Variants in DPH6 observed in about 807,000 individuals in gnomAD.
The protein encoded by DPH6 is diphthamine biosynthesis 6, also known as diphthine--ammonia ligase.
In DPH6, 33 loss-of-function variants were observed where a neutral mutation model predicts 38.2. The ratio of observed to expected loss-of-function variants is 0.86; its 90% CI spans 0.65 to 1.15. The LOEUF is 1.15. Among genes scored for constraint, DPH6 ranks in the 50% most tolerant of loss-of-function variants. The pLI, the probability that DPH6 is intolerant of heterozygous loss-of-function variation, is 0.00. For synonymous variants in DPH6, 108 were observed against 103.0 expected (o/e 1.05, Z -0.30); for missense variants, 325 against 320.0 (o/e 1.02, Z -0.12).
chr15:35,484,567 T>C (rs955960403), intron 3 of DPH6, among the ~76,000 whole-genome samples: 1 of 152,356 alleles, frequency 6.6e-6, no homozygotes, highest in South Asian at 2.1e-4. Flanking sequence ...TTTCTTGCCA[T>C]GTGGACCCCT....
the DPH6 span, among the ~76,000 whole-genome samples, chr15:35,201,834 G>A: frequency 6.6e-6 from 1 of 151,354 alleles, no homozygotes; most frequent in African/African-American, 2.4e-5. Flanking sequence ...AGTACCAGTG[G>A]TTTTTTTAGT....
At chr15:35,307,974 G>A (rs185773557) in intron 3 of DPH6, among the ~76,000 whole-genome samples, 1 of 152,072 alleles carries the variant, frequency 6.6e-6, no homozygotes, top group East Asian at 1.9e-4. Context: ...TAACCTCTGA[G>A]GAAATAAAAA....
the DPH6 span, among the ~76,000 whole-genome samples, chr15:35,153,972 A>G: frequency 6.6e-6 from 1 of 152,184 alleles, no homozygotes; most frequent in Non-Finnish European, 1.5e-5. Flanking sequence ...CAGAAGCTGC[A>G]TAATTGAGTA....
intron 3 of DPH6, among the ~76,000 whole-genome samples, chr15:35,305,645 A>G (rs538303612): frequency 1.3e-5 from 2 of 152,294 alleles, no homozygotes; most frequent in African/African-American, 4.8e-5. Flanking sequence ...CCATTTAAAA[A>G]GCACGAAAGA....
exon 4 of DPH6, chr15:35,219,706 C>T (rs1243067190): frequency 6.6e-6 from 1 of 152,082 alleles, no homozygotes; most frequent in Non-Finnish European, 1.5e-5. Flanking sequence ...TAAGTCATAA[C>T]AAGTACATTG....
chr15:35,538,413 A>G lies in DPH6; in HGVS notation c.173T>C (p.Ile58Thr). The G allele has an allele frequency of 6.2e-7, 1 of 1,606,260 alleles. No individual in the cohort carries two copies. Among genetic ancestry groups the G allele is most frequent in the Admixed American group, 1.7e-5 (1 of 59,928 alleles). The change falls in exon 3 of 9, where the codon ATT (isoleucine) becomes ACT (threonine). Residue 58 changes from isoleucine to threonine, a missense_variant. Coordinates refer to ENST00000256538, the MANE Select transcript of DPH6 (RefSeq NM_080650.4). ...AGCCATTGCTTCTGCATACAAGTCA[A>G]TGGCATGGTGCCCCACTGTCTGATA... ...YMYQTVGHHA[I>T]DLYAEAMALP...
At chr15:35,472,924 T>C (rs1172055157) in intron 3 of DPH6, among the ~76,000 whole-genome samples, 1 of 148,692 alleles carries the variant, frequency 6.7e-6, no homozygotes, top group South Asian at 2.1e-4. Context: ...AAAAAAAAGA[T>C]GTAGTAAATA....
At chr15:35,464,335 A>T (rs968099709) in intron 3 of DPH6, among the ~76,000 whole-genome samples, 4 of 152,090 alleles carry the variant, frequency 2.6e-5, no homozygotes, top group African/African-American at 9.7e-5. Context: ...ATAAGTCTAT[A>T]TACATTATAA....
chr15:35,265,118 G>T (rs976433329), intron 3 of DPH6, among the ~76,000 whole-genome samples: 1 of 151,688 alleles, frequency 6.6e-6, no homozygotes, highest in Middle Eastern at 3.4e-3. Context: ...ACAAGCTAGC[G>T]GTCAGAAAAC....
chr15:35,161,860 ATCCAGT>A, the DPH6 span, among the ~76,000 whole-genome samples: 1 of 151,944 alleles, frequency 6.6e-6, no homozygotes, highest in African/African-American at 2.4e-5. Context: ...TTGTTTAAGC[ATCCAGT>A]TGTTGGTATT....
intron 7 of DPH6, among the ~76,000 whole-genome samples, chr15:35,376,492 T>C (rs1201172896): frequency 1.3e-5 from 2 of 152,118 alleles, no homozygotes; most frequent in African/African-American, 4.8e-5. Context: ...TGTCATAATG[T>C]TGTAGCACAA....
rs188945419 is a variant in DPH6, at chr15:35,406,214, C to A, written c.567+4621G>T. 2.0e-5 allele frequency among the ~76,000 whole-genome samples: 3 copies of A among 151,950 alleles called. No individual in the cohort carries two copies. In the East Asian group the frequency reaches 5.8e-4, roughly 29 times the overall value. ...CTGAGTGACAAAGGGATAATGCATG[C>A]AGAGAGGGAAGGATAACATGGAGGT... On this transcript the variant is annotated intron_variant, in intron 6 of 8. Transcript: ENST00000256538.
At chr15:35,485,467 C>G (rs545894828) in intron 3 of DPH6, among the ~76,000 whole-genome samples, 1 of 152,284 alleles carries the variant, frequency 6.6e-6, no homozygotes, top group South Asian at 2.1e-4. Context: ...ACCCCTTGCT[C>G]AAAACATCAG....
At chr15:35,274,453 C>A (rs929289901) in intron 3 of DPH6, among the ~76,000 whole-genome samples, 1 of 152,034 alleles carries the variant, frequency 6.6e-6, no homozygotes, top group South Asian at 2.1e-4. Flanking sequence ...TCAGAGTGAA[C>A]AGGCAACCTA....
chr15:35,481,934 T>C (rs1267974784), intron 3 of DPH6, among the ~76,000 whole-genome samples: 3 of 152,294 alleles, frequency 2.0e-5, no homozygotes, highest in South Asian at 4.1e-4. Context: ...ATGATAAACC[T>C]GGATAAACAA....
chr15:35,412,949 T>A (rs917336905), intron 5 of DPH6, among the ~76,000 whole-genome samples: 2 of 151,648 alleles, frequency 1.3e-5, no homozygotes, highest in African/African-American at 4.8e-5. Context: ...AGAATGTACA[T>A]CACCAGCAGT....
intron 3 of DPH6, among the ~76,000 whole-genome samples, chr15:35,473,959 C>T (rs28670749): frequency 0.076 from 1,664 of 21,906 alleles, 28 homozygotes; most frequent in African/African-American, 0.095. Flanking sequence ...TGTGTGTGTG[C>T]GCGCGCGCGC....
At chr15:35,489,915 T>C (rs2054454579) in intron 3 of DPH6, 24 of 968,098 alleles carry the variant, frequency 2.5e-5, no homozygotes, top group Non-Finnish European at 2.8e-5. Context: ...TCTATAATGA[T>C]TACTTTTTAA....
intron 3 of DPH6, among the ~76,000 whole-genome samples, chr15:35,223,685 C>CAA (rs936089619): frequency 2.2e-4 from 31 of 140,634 alleles, no homozygotes; most frequent in African/African-American, 8.1e-4. Context: ...AACTCCGTCT[C>CAA]AAAAAAAAAA....
Sources: allele counts gnomAD v4.1 joint callset (sites outside exome capture counted in the v4.1 genomes callset), GRCh38; gene constraint gnomAD v4.1.1; transcripts MANE v1.5; gene names NCBI Gene and HGNC (gene_info 2026-07-23, HGNC 2026-07-21).